Variants in CUEDC1 observed in about 807,000 individuals in gnomAD.
The protein encoded by CUEDC1 is CUE domain containing 1.
CUEDC1 carries 30 observed loss-of-function variants against 43.7 expected under a neutral mutation model. The observed-to-expected ratio is 0.69, with a 90% confidence interval of 0.51 to 0.93. The LOEUF is 0.93. CUEDC1 is among the 40% of genes least tolerant of loss of function. The pLI is 0.00. For synonymous variants in CUEDC1, 223 were observed against 223.6 expected (o/e 1.00, Z 0.02); for missense variants, 486 against 549.0 (o/e 0.89, Z 1.15).
At chr17:57,924,222 C>T (rs1175774956) in intron 1 of CUEDC1, among the ~76,000 whole-genome samples, 3 of 152,198 alleles carry the variant, frequency 2.0e-5, no homozygotes, top group Non-Finnish European at 4.4e-5. Context: ...TTTTATGCCT[C>T]AGCCTCCCAA....
chr17:57,866,934 G>C, intron 9 of CUEDC1: 1 of 352,502 alleles, frequency 2.8e-6, no homozygotes, highest in Non-Finnish European at 5.3e-6. Flanking sequence ...AGGAGGGTCT[G>C]AGGCAGAGTC....
At chr17:57,875,919 C>T (rs1222006279) in intron 3 of CUEDC1, among the ~76,000 whole-genome samples, 1 of 152,082 alleles carries the variant, frequency 6.6e-6, no homozygotes, top group Non-Finnish European at 1.5e-5. Flanking sequence ...CCAGGACACA[C>T]ACATCATCCA....
At chr17:57,917,361 GAC>G (rs2074653349) in intron 1 of CUEDC1, among the ~76,000 whole-genome samples, 1 of 152,176 alleles carries the variant, frequency 6.6e-6, no homozygotes, top group Non-Finnish European at 1.5e-5. Flanking sequence ...TTCATCAGGT[GAC>G]ACATACTAAG....
At chr17:57,950,617 C>G (rs933565308) in intron 1 of CUEDC1, among the ~76,000 whole-genome samples, 4 of 151,974 alleles carry the variant, frequency 2.6e-5, no homozygotes, top group Non-Finnish European at 4.4e-5. Context: ...AGATTACAGG[C>G]GCCCACCACC....
chr17:57,947,993 C>T (rs1437568251), intron 1 of CUEDC1, among the ~76,000 whole-genome samples: 6 of 152,090 alleles, frequency 3.9e-5, no homozygotes, highest in African/African-American at 1.4e-4. Flanking sequence ...TTGTGGGCAG[C>T]TTTCTTTGTG....
chr17:57,950,120 C>T (rs2585831), intron 1 of CUEDC1, among the ~76,000 whole-genome samples: 150,441 of 152,290 alleles, frequency 0.99, 74,332 homozygotes, highest in East Asian at 1. Context: ...CCAAGCCTAT[C>T]CCTTCACAGA....
intron 1 of CUEDC1, among the ~76,000 whole-genome samples, chr17:57,936,421 G>C (rs2074862585): frequency 6.6e-6 from 1 of 152,148 alleles, no homozygotes; most frequent in South Asian, 2.1e-4. Flanking sequence ...TTTCGCAATG[G>C]AAGCACTCTA....
chr17:57,865,573 G>A (rs2073944986), intron 10 of CUEDC1, among the ~76,000 whole-genome samples: 1 of 152,342 alleles, frequency 6.6e-6, no homozygotes, highest in African/African-American at 2.4e-5. Context: ...AACGGGGGCT[G>A]GAAAAGGGAC....
At chr17:57,914,189 G>C (rs560213785) in intron 1 of CUEDC1, among the ~76,000 whole-genome samples, 1 of 152,334 alleles carries the variant, frequency 6.6e-6, no homozygotes, top group East Asian at 1.9e-4. Context: ...TCAGAAGAAA[G>C]GGAGAGGAGG....
At chr17:57,928,609 G>A (rs1019578016) in intron 1 of CUEDC1, among the ~76,000 whole-genome samples, 1 of 150,860 alleles carries the variant, frequency 6.6e-6, no homozygotes, top group Non-Finnish European at 1.5e-5. Flanking sequence ...GCCTTGTGAA[G>A]TACATTCTAG....
Position 57,885,525 on chromosome 17 carries a change from C to T in CUEDC1, c.40G>A (p.Gly14Arg). Residue 14 changes from glycine (G) to arginine (R), a missense_variant, in exon 2 of 11, where the codon GGG (glycine) becomes AGG (arginine). Transcript: ENST00000577830. Reference sequence around the variant, plus strand: ...CCGCGTGCCCCGGCGGTGCCACCCCCGCCGCTGCCGCTGCTGCTCCGGCGG... The same window carrying T: ...CCGCGTGCCCCGGCGGTGCCACCCCTGCCGCTGCCGCTGCTGCTCCGGCGG... ...LFRRSSSGSG[G>R]GGTAGARGGG... 9 of 1,389,986 alleles carry T rather than the reference C, an allele frequency of 6.5e-6. No individual in the cohort carries two copies. Among genetic ancestry groups the T allele is most frequent in the Non-Finnish European group, 8.3e-6 (9 of 1,079,354 alleles). 86.1% of individuals were successfully genotyped at this position (1,389,986 alleles called of 1,614,324 possible). A position where few individuals can be genotyped will look rare whatever the true frequency, so the allele number is the denominator to read the frequency against.
In CUEDC1 at chr17:57,909,392, G is replaced by A. The variant is rs114960269; in HGVS notation, c.-315-23513C>T. 7.6e-3 allele frequency among the ~76,000 whole-genome samples: 1,159 copies of A among 152,282 alleles called. 13 individuals carry two copies. The highest frequency in any genetic ancestry group is 0.026 in the African/African-American group (1,065 of 41,542). The stretch of plus-strand genomic sequence containing the variant: ...GGTTAATGGCCATCATATTGAACAG[G>A]ACGTATTTTAGAACATAAGCCCTGA... On this transcript the variant is annotated intron_variant, in intron 1 of 10. Coordinates refer to ENST00000577830, the MANE Select transcript of CUEDC1 (RefSeq NM_001271875.2).
intron 5 of CUEDC1, among the ~76,000 whole-genome samples, chr17:57,872,104 C>T (rs1250688520): frequency 1.3e-5 from 2 of 152,236 alleles, no homozygotes; most frequent in African/African-American, 4.8e-5. Context: ...CAGAGCTCCA[C>T]AGCCCTCTCG....
At chr17:57,880,184 G>A (rs1300445357) in intron 2 of CUEDC1, among the ~76,000 whole-genome samples, 2 of 152,178 alleles carry the variant, frequency 1.3e-5, no homozygotes, top group African/African-American at 2.4e-5. Flanking sequence ...AAACTCCACC[G>A]AGCTGCATGC....
chr17:57,937,539 G>T (rs2074873873), intron 1 of CUEDC1, among the ~76,000 whole-genome samples: 2 of 151,864 alleles, frequency 1.3e-5, no homozygotes, highest in Non-Finnish European at 2.9e-5. Context: ...GAACCTGGGA[G>T]GTCTAGGTTG....
chr17:57,935,493 A>G (rs1427902020), intron 1 of CUEDC1, among the ~76,000 whole-genome samples: 1 of 152,130 alleles, frequency 6.6e-6, no homozygotes, highest in Non-Finnish European at 1.5e-5. Context: ...CAGGAGCTTT[A>G]GAAACTGGGG....
chr17:57,915,740 G>A (rs908790180), intron 1 of CUEDC1, among the ~76,000 whole-genome samples: 1 of 152,136 alleles, frequency 6.6e-6, no homozygotes, highest in Non-Finnish European at 1.5e-5. Context: ...CGGCTGTTTG[G>A]GCCAACACTT....
At chr17:57,927,148 C>T (rs571199866) in intron 1 of CUEDC1, among the ~76,000 whole-genome samples, 2 of 152,132 alleles carry the variant, frequency 1.3e-5, no homozygotes, top group Admixed American at 1.3e-4. Context: ...TCTCACCGAG[C>T]GGCTGGGACA....
intron 1 of CUEDC1, among the ~76,000 whole-genome samples, chr17:57,945,795 G>A (rs945744612): frequency 1.2e-4 from 19 of 152,010 alleles, no homozygotes; most frequent in East Asian, 7.7e-4. Flanking sequence ...TGAGGTGGGC[G>A]GATCAGTTGA....
Sources: allele counts gnomAD v4.1 joint callset (sites outside exome capture counted in the v4.1 genomes callset), GRCh38; gene constraint gnomAD v4.1.1; transcripts MANE v1.5; gene names NCBI Gene and HGNC (gene_info 2026-07-23, HGNC 2026-07-21).